ZNF652: variants seen among roughly 807,000 people sequenced by gnomAD.
The protein encoded by ZNF652 is zinc finger protein 652.
Under a neutral mutation model 45.2 loss-of-function variants are expected in ZNF652, and 16 were observed. The observed-to-expected ratio is 0.35, with a 90% confidence interval of 0.24 to 0.54. ZNF652 has a LOEUF of 0.54. Ranked by LOEUF, ZNF652 falls within the 20% of genes least tolerant of loss-of-function variation. The pLI is 0.91. For synonymous variants in ZNF652, 250 were observed against 260.6 expected (o/e 0.96, Z 0.39); for missense variants, 614 against 765.6 (o/e 0.80, Z 2.34).
intron 2 of ZNF652, among the ~76,000 whole-genome samples, chr17:49,316,059 T>C (rs2069799812): frequency 6.6e-6 from 1 of 152,214 alleles, no homozygotes; most frequent in Non-Finnish European, 1.5e-5. Context: ...CTTACGAATA[T>C]TCATTAATAT....
chr17:49,347,226 T>C (rs186782877), intron 1 of ZNF652, among the ~76,000 whole-genome samples: 19 of 152,366 alleles, frequency 1.2e-4, no homozygotes, highest in Non-Finnish European at 1.9e-4. Context: ...GGAAATTTTA[T>C]ATAAGTATTC....
intron 1 of ZNF652, 23 bp downstream of exon 1, chr17:49,361,886 T>TG (rs1283869612): frequency 6.7e-6 from 1 of 150,128 alleles, no homozygotes; most frequent in African/African-American, 2.4e-5. Context: ...GGCGAGTGCG[T>TG]GGGGGAAGGG....
At chr17:49,357,795 A>G (rs749377724) in intron 1 of ZNF652, among the ~76,000 whole-genome samples, 6 of 152,210 alleles carry the variant, frequency 3.9e-5, no homozygotes, top group Non-Finnish European at 5.9e-5. Context: ...GCCTATGGGT[A>G]GCACTGTAGA....
rs150086306 is a variant in ZNF652 at position 49,342,042 on chromosome 17, C to T, written c.-259+19867G>A. Among the ~76,000 whole-genome samples the T allele has an allele frequency of 4.9e-4, 74 of 152,076 alleles. 1 individual carries two copies. The highest frequency in any genetic ancestry group is 1.6e-3 in the African/African-American group (65 of 41,476). ...CTCTACTAAAAGTACAAAAATTAGCCGGGCATGGTGGCAGGCGCCTATAAT... is the reference window on the plus strand; with the variant it reads ...CTCTACTAAAAGTACAAAAATTAGCTGGGCATGGTGGCAGGCGCCTATAAT... On this transcript the variant is annotated intron_variant, in intron 1 of 5. Transcript: ENST00000430262.
intron 1 of ZNF652, among the ~76,000 whole-genome samples, chr17:49,350,155 T>C (rs534927686): frequency 3.9e-4 from 59 of 152,248 alleles, no homozygotes; most frequent in African/African-American, 1.1e-3. Flanking sequence ...GTTATGACTT[T>C]AACAAAAGAA....
chr17:49,362,412 C>G (rs1284018902), upstream of ZNF652: 1 of 151,744 alleles, frequency 6.6e-6, no homozygotes, highest in Non-Finnish European at 1.5e-5. Flanking sequence ...CCCGGGCGCA[C>G]CTTTTCTGTC....
In ZNF652 at chr17:49,295,940, A is replaced by AAAAAAAAC. The variant is rs2069468894; in HGVS notation, c.*2472_*2473insGTTTTTTT. 3 of 58,884 alleles carry AAAAAAAAC rather than the reference A, an allele frequency of 5.1e-5. No individual in the cohort carries two copies. The highest frequency in any genetic ancestry group is 1.8e-4 in the African/African-American group (3 of 16,796). The allele number at this position is 58,884 out of a possible 1,614,324, so 3.6% of individuals were successfully genotyped here. ...GCAACAGAACAAGACTCTGCCTCAA[A>AAAAAAAAC]AAAAAAAAAAAAAAAAAAAAAAAAA... On this transcript the variant is annotated 3_prime_UTR_variant, in exon 6 of 6. Transcript: ENST00000430262.
intron 1 of ZNF652, among the ~76,000 whole-genome samples, chr17:49,347,296 G>A (rs1226795226): frequency 6.6e-6 from 1 of 152,218 alleles, no homozygotes; most frequent in African/African-American, 2.4e-5. Flanking sequence ...CAGGAGTGGT[G>A]GCTCATGCCT....
At chr17:49,355,588 A>T (rs958818580) in intron 1 of ZNF652, among the ~76,000 whole-genome samples, 1 of 151,890 alleles carries the variant, frequency 6.6e-6, no homozygotes, top group East Asian at 1.9e-4. Flanking sequence ...AATAAAAAAA[A>T]TAAGTTAAAA....
chr17:49,361,550 G>A lies in ZNF652; in HGVS notation c.-259+359C>T, dbSNP rs567808709. ...CCAGCTGCAGGGCAGGAGAACGCTC[G>A]CAGGAGGACCGGTGCAAACCTCCTC... On this transcript the variant is annotated intron_variant, in intron 1 of 5. Transcript: ENST00000430262. 2.0e-5 allele frequency among the ~76,000 whole-genome samples: 3 copies of A among 152,334 alleles called. No homozygotes were observed. The South Asian group carries it at 6.2e-4, about 32-fold the overall frequency.
Position 49,348,983 on chromosome 17 carries a change from AAG to A in ZNF652, c.-259+12924_-259+12925del, listed in dbSNP as rs560058031. Among the ~76,000 whole-genome samples, 8 of 152,358 alleles carry A rather than the reference AAG, an allele frequency of 5.3e-5. No homozygotes were observed. In the East Asian group the frequency reaches 1.3e-3, roughly 26 times the overall value. On this transcript the variant is annotated intron_variant, in intron 1 of 5. Transcript: ENST00000430262. ...AATGAAAAAGAAAACAAAACAAAAAAAGAATTAAAAAAGTGATTTGCTAATGG... is the reference window on the plus strand; with the variant it reads ...AATGAAAAAGAAAACAAAACAAAAAAAATTAAAAAAGTGATTTGCTAATGG...
intron 1 of ZNF652, among the ~76,000 whole-genome samples, chr17:49,346,503 A>G (rs2070206431): frequency 6.6e-6 from 1 of 152,224 alleles, no homozygotes; most frequent in South Asian, 2.1e-4. Flanking sequence ...CTGAGCTGAG[A>G]TCATACCACT....
intron 1 of ZNF652, among the ~76,000 whole-genome samples, chr17:49,343,692 C>T (rs1293717490): frequency 1.3e-5 from 2 of 150,022 alleles, no homozygotes; most frequent in Non-Finnish European, 3.0e-5. Context: ...AAATCCAATG[C>T]GTGGTCAAGA....
chr17:49,309,494 C>A (rs1007745941), intron 5 of ZNF652, among the ~76,000 whole-genome samples: 1 of 148,054 alleles, frequency 6.8e-6, no homozygotes. Context: ...GGTGACGGAG[C>A]AAGACTCCAT....
intron 1 of ZNF652, among the ~76,000 whole-genome samples, chr17:49,347,514 G>A (rs1042348056): frequency 2.0e-5 from 3 of 152,006 alleles, no homozygotes; most frequent in Non-Finnish European, 4.4e-5. Flanking sequence ...GCAGTGAGCC[G>A]TGATCATGCC....
chr17:49,320,262 TG>T (rs1466649002), intron 1 of ZNF652, among the ~76,000 whole-genome samples: 1 of 152,250 alleles, frequency 6.6e-6, no homozygotes, highest in African/African-American at 2.4e-5. Flanking sequence ...CCTTTTTCCT[TG>T]TGAGTTTATT....
Position 49,361,970 on chromosome 17 carries a change from C to T in ZNF652, c.-320G>A, listed in dbSNP as rs1343982288. On this transcript the variant is annotated 5_prime_UTR_variant, in exon 1 of 6. Coordinates refer to ENST00000430262, the MANE Select transcript of ZNF652 (RefSeq NM_001145365.3). Reference sequence around the variant, plus strand: ...CCGCCTCGGCGGTCCATCCCTGCGGCGGGGGCCTGCAGCCGCGGCGCTCGA... The same window carrying T: ...CCGCCTCGGCGGTCCATCCCTGCGGTGGGGGCCTGCAGCCGCGGCGCTCGA... 6.7e-6 allele frequency: 1 copy of T among 150,100 alleles called. No individual in the cohort carries two copies. The highest frequency in any genetic ancestry group is 2.1e-4 in the South Asian group (1 of 4,868). 9.3% of individuals were successfully genotyped at this position (150,100 alleles called of 1,614,324 possible).
chr17:49,344,469 T>C (rs2070183371), intron 1 of ZNF652, among the ~76,000 whole-genome samples: 1 of 151,858 alleles, frequency 6.6e-6, no homozygotes, highest in Admixed American at 6.6e-5. Context: ...CAAATATACT[T>C]CCCTTACCAA....
chr17:49,305,952 A>G (rs895088360), intron 5 of ZNF652, among the ~76,000 whole-genome samples: 4 of 152,212 alleles, frequency 2.6e-5, no homozygotes, highest in Admixed American at 2.6e-4. Context: ...CTCTAAATGT[A>G]GTTTCATTCA....
Sources: gnomAD v4.1 joint callset for allele counts (sites outside exome capture counted in the v4.1 genomes callset) on GRCh38, gnomAD v4.1.1 for gene constraint, MANE v1.5 for transcripts, NCBI Gene and HGNC (gene_info 2026-07-23, HGNC 2026-07-21) for gene names.